Variants in DENND2A observed in about 807,000 individuals in gnomAD.
The protein encoded by DENND2A is DENN domain containing 2A.
A neutral mutation model predicts 105.3 loss-of-function variants in DENND2A; 53 were observed. That is an observed-to-expected ratio of 0.50 (90% confidence interval 0.40 to 0.63). The LOEUF (loss-of-function observed/expected upper bound fraction) is 0.63, where lower values mean the gene tolerates loss of function less well. Among genes scored for constraint, DENND2A ranks in the 30% least tolerant of loss-of-function variants. The probability of loss-of-function intolerance (pLI) is 0.00; values close to 1 mark genes in which losing one functional copy is unlikely to be tolerated. For synonymous variants in DENND2A, 522 were observed against 508.4 expected (o/e 1.03, Z -0.36); for missense variants, 1,138 against 1,279.6 (o/e 0.89, Z 1.69).
chr7:140,529,726 A>C (rs547467096), intron 14 of DENND2A, among the ~76,000 whole-genome samples: 1 of 148,354 alleles, frequency 6.7e-6, no homozygotes, highest in African/African-American at 2.5e-5. Flanking sequence ...TCTCACTCAT[A>C]GGTGGGAATT....
chr7:140,631,855 G>C (rs950216379), intron 1 of DENND2A, among the ~76,000 whole-genome samples: 1 of 152,136 alleles, frequency 6.6e-6, no homozygotes, highest in African/African-American at 2.4e-5. Context: ...CCCAGAGCAC[G>C]AGGCAAGCTG....
chr7:140,547,437 A>C (rs748249494), intron 12 of DENND2A, among the ~76,000 whole-genome samples: 5 of 152,176 alleles, frequency 3.3e-5, no homozygotes, highest in Non-Finnish European at 7.3e-5. Context: ...ATGAGATACC[A>C]CTTCACACCC....
chr7:140,591,662 T>TC (rs2130660019), intron 3 of DENND2A, among the ~76,000 whole-genome samples: 1 of 149,188 alleles, frequency 6.7e-6, no homozygotes, highest in African/African-American at 2.6e-5. Context: ...TTCCTTTCTT[T>TC]CTTTCTTTCT....
chr7:140,588,766 C>CTTTTT (rs34456581), intron 3 of DENND2A, among the ~76,000 whole-genome samples: 1 of 136,846 alleles, frequency 7.3e-6, no homozygotes. Flanking sequence ...TTTTTTGGCA[C>CTTTTT]TTTTTTTTTT....
intron 6 of DENND2A, 105 bp downstream of exon 6, chr7:140,573,703 G>A (rs1798185346): frequency 1.6e-6 from 2 of 1,282,458 alleles, no homozygotes; most frequent in Admixed American, 2.1e-5. Context: ...CAACACAGGT[G>A]GGAGAGGGGC....
chr7:140,544,934 G>C, intron 13 of DENND2A, 168 bp from the exon 14 acceptor site: 7 of 867,026 alleles, frequency 8.1e-6, no homozygotes, highest in Non-Finnish European at 9.7e-6. Flanking sequence ...AAAGAAAGAT[G>C]CCAGAAGACG....
intron 5 of DENND2A, among the ~76,000 whole-genome samples, chr7:140,574,275 A>G (rs674866): frequency 0.53 from 79,849 of 151,912 alleles, 23,717 homozygotes; most frequent in African/African-American, 0.81. Context: ...CTGGAGTGGA[A>G]TGGCGCGATC....
intron 10 of DENND2A, among the ~76,000 whole-genome samples, chr7:140,558,689 C>CT (rs1379052631): frequency 7.6e-6 from 1 of 131,642 alleles, no homozygotes; most frequent in Non-Finnish European, 1.6e-5. Flanking sequence ...AAGCGAGACT[C>CT]TATCTCAAAA....
intron 14 of DENND2A, among the ~76,000 whole-genome samples, chr7:140,530,059 C>CAAAAAA (rs3042405): frequency 2.5e-5 from 3 of 122,444 alleles, no homozygotes; most frequent in Admixed American, 8.5e-5. Context: ...CCCTGTTTCT[C>CAAAAAA]AAAAAAAAAA....
chr7:140,616,135 T>C (rs2130711912), intron 1 of DENND2A, among the ~76,000 whole-genome samples: 1 of 152,156 alleles, frequency 6.6e-6, no homozygotes, highest in East Asian at 1.9e-4. Context: ...GGGAGGATGA[T>C]GTGGCCAGAT....
chr7:140,530,251 C>T (rs1796212701), intron 14 of DENND2A, among the ~76,000 whole-genome samples: 1 of 151,972 alleles, frequency 6.6e-6, no homozygotes, highest in South Asian at 2.1e-4. Context: ...CATTGTTGTA[C>T]ATGATAAATA....
At position 140,523,300 on chromosome 7, in the gene DENND2A, C is replaced by CACTT. The variant is rs759241083; in HGVS notation, c.2665+3_2665+6dup. 5.0e-6 allele frequency: 8 copies of CACTT among 1,613,870 alleles called. No homozygotes were observed. The highest frequency in any genetic ancestry group is 6.8e-6 in the Non-Finnish European group (8 of 1,179,888). ...AGAGACCCACTGGGAGGTGGCTGAA[C>CACTT]ACTTACCGTGCCTGCCGTCTAGGGG... On this transcript the variant is annotated splice_region_variant and intron_variant, in intron 17 of 19. Coordinates refer to ENST00000496613, the MANE Select transcript of DENND2A (RefSeq NM_015689.5). This position sits in a 1 kb window ranked among gnomAD's most constrained non-coding sequence, Gnocchi z 4.5.
chr7:140,538,854 C>T (rs190342187), intron 14 of DENND2A, among the ~76,000 whole-genome samples: 35 of 152,054 alleles, frequency 2.3e-4, no homozygotes, highest in East Asian at 7.7e-4. Flanking sequence ...GACAGAGTCT[C>T]GCTCTGTTGC....
intron 10 of DENND2A, 39 bp from the exon 11 acceptor site, chr7:140,558,251 C>G (rs1431432514): frequency 1.3e-6 from 2 of 1,554,316 alleles, no homozygotes; most frequent in African/African-American, 2.7e-5. Flanking sequence ...TAAAGCAAAA[C>G]AAAACCAAAG....
intron 6 of DENND2A, 130 bp downstream of exon 6, chr7:140,573,678 C>A (rs763020174): frequency 2.2e-5 from 24 of 1,069,792 alleles, no homozygotes; most frequent in Non-Finnish European, 3.1e-5. Context: ...TTCACTGTGT[C>A]CCCCTGGCCT....
At chr7:140,570,268 A>G (rs112743805) in intron 6 of DENND2A, among the ~76,000 whole-genome samples, 5,554 of 152,214 alleles carry the variant, frequency 0.036, 344 homozygotes, top group African/African-American at 0.12. Flanking sequence ...CCACTGCCCT[A>G]TGGGCGTCTG....
At chr7:140,579,688 A>G (rs991083302) in intron 5 of DENND2A, among the ~76,000 whole-genome samples, 1 of 152,200 alleles carries the variant, frequency 6.6e-6, no homozygotes, top group Non-Finnish European at 1.5e-5. Flanking sequence ...GTATACACAC[A>G]TGCACACAAA....
At chr7:140,522,732 C>T (rs185628971) in intron 17 of DENND2A, among the ~76,000 whole-genome samples, 1 of 151,946 alleles carries the variant, frequency 6.6e-6, no homozygotes, top group Non-Finnish European at 1.5e-5. Context: ...CTCAGACTCC[C>T]GAGTAGCTGG....
Position 140,601,816 on chromosome 7 carries a change from C to T in DENND2A, c.582G>A (p.Lys194=). The part of the protein sequence containing the change: ...TCYSPHCPPD[K]AEAGSTLPEN... ...CAGGAAGGGTGGACCCTGCCTCTGC[C>T]TTGTCAGGAGGGCAGTGTGGGGAGT... Residue 194 remains lysine (K), a synonymous_variant, in exon 3 of 20, where the codon AAG becomes AAA. Transcript: ENST00000496613. 4 of 1,614,134 alleles carry T rather than the reference C, an allele frequency of 2.5e-6. No individual in the cohort carries two copies. The highest frequency in any genetic ancestry group is 3.4e-6 in the Non-Finnish European group (4 of 1,180,026).
Sources: allele counts gnomAD v4.1 joint callset (sites outside exome capture counted in the v4.1 genomes callset), GRCh38; gene constraint gnomAD v4.1.1; non-coding constraint Gnocchi (gnomAD v3.1); transcripts MANE v1.5; gene names NCBI Gene and HGNC (gene_info 2026-07-23, HGNC 2026-07-21).